The following ERICH3 variants were observed in gnomAD, a reference collection of about 807,000 sequenced individuals.
ERICH3 encodes the protein glutamate-rich protein 3.
A neutral mutation model predicts 131.1 loss-of-function variants in ERICH3; 126 were observed. That is an observed-to-expected ratio of 0.96 (90% CI 0.83 to 1.11). The LOEUF (loss-of-function observed/expected upper bound fraction) is 1.11, where lower values mean the gene tolerates loss of function less well. ERICH3 is among the 50% of genes most tolerant of loss of function. The pLI, the probability that ERICH3 is intolerant of heterozygous loss-of-function variation, is 0.00. For missense variants in ERICH3, 2,050 were observed against 1,810.7 expected (o/e 1.13, Z -2.40); for synonymous variants, 695 against 644.6 (o/e 1.08, Z -1.18).
intron 1 of ERICH3, among the ~76,000 whole-genome samples, chr1:74,672,569 G>A (rs1005881265): frequency 6.6e-6 from 1 of 152,144 alleles, no homozygotes; most frequent in African/African-American, 2.4e-5. Flanking sequence ...AACTCCAAAT[G>A]ATCTCAAATA....
chr1:74,582,506 G>T (rs1292276615), intron 12 of ERICH3, among the ~76,000 whole-genome samples: 1 of 152,054 alleles, frequency 6.6e-6, no homozygotes, highest in African/African-American at 2.4e-5. Flanking sequence ...ATTACCAAAT[G>T]ACATAAATTT....
chr1:74,646,532 G>T, intron 3 of ERICH3, 135 bp downstream of exon 3: 2 of 530,014 alleles, frequency 3.8e-6, no homozygotes, highest in Non-Finnish European at 5.9e-6. Context: ...CTTTTTCTAG[G>T]TACAAAAGCA....
At chr1:74,672,964 T>C (rs1468567158) in intron 1 of ERICH3, among the ~76,000 whole-genome samples, 1 of 152,078 alleles carries the variant, frequency 6.6e-6, no homozygotes, top group Non-Finnish European at 1.5e-5. Context: ...TTAAAATACT[T>C]TTTAAAGACC....
chr1:74,591,391 G>A (rs1647594659), intron 11 of ERICH3, among the ~76,000 whole-genome samples: 1 of 152,142 alleles, frequency 6.6e-6, no homozygotes. Context: ...TATTAGGCAG[G>A]AGCTGGGCTT....
intron 1 of ERICH3, among the ~76,000 whole-genome samples, chr1:74,654,356 GTA>G (rs142830870): frequency 6.2e-4 from 93 of 150,230 alleles, no homozygotes; most frequent in Admixed American, 7.3e-4. Context: ...TAGGATATGT[GTA>G]TATATATATA....
At chr1:74,588,502 T>C (rs1647440461) in intron 12 of ERICH3, among the ~76,000 whole-genome samples, 1 of 152,198 alleles carries the variant, frequency 6.6e-6, no homozygotes, top group Admixed American at 6.5e-5. Flanking sequence ...GGTTTAACAG[T>C]AGTTTTTAAG....
chr1:74,634,092 G>A (rs1194694821), intron 6 of ERICH3, among the ~76,000 whole-genome samples: 1 of 151,956 alleles, frequency 6.6e-6, no homozygotes, highest in Non-Finnish European at 1.5e-5. Flanking sequence ...AGCAATAAGA[G>A]TTTTTTGAGT....
chr1:74,589,520 T>C (rs1328936524), intron 12 of ERICH3, 111 bp downstream of exon 12: 6 of 1,032,026 alleles, frequency 5.8e-6, no homozygotes, highest in Non-Finnish European at 8.6e-6. Context: ...AAATCTTGAA[T>C]CCCTAAAGCA....
At chr1:74,673,471 G>A (rs774237297) in intron 1 of ERICH3, 26 bp downstream of exon 1, 3 of 1,611,064 alleles carry the variant, frequency 1.9e-6, no homozygotes, top group South Asian at 2.2e-5. Flanking sequence ...CTGCCACAGC[G>A]TGGAAAAGCT....
intron 11 of ERICH3, among the ~76,000 whole-genome samples, chr1:74,598,272 C>T (rs191183232): frequency 6.6e-6 from 1 of 151,672 alleles, no homozygotes; most frequent in African/African-American, 2.4e-5. Context: ...TATGGTCTCG[C>T]ATTGAAAAGA....
chr1:74,593,491 T>C (rs889678739), intron 11 of ERICH3, among the ~76,000 whole-genome samples: 3 of 152,190 alleles, frequency 2.0e-5, no homozygotes, highest in African/African-American at 7.2e-5. Flanking sequence ...TACATAATTG[T>C]AGAAATTACA....
chr1:74,582,200 G>A (rs1052211777), intron 12 of ERICH3, among the ~76,000 whole-genome samples: 5 of 152,106 alleles, frequency 3.3e-5, no homozygotes, highest in African/African-American at 9.7e-5. Flanking sequence ...ACTTCCTCAC[G>A]GCTCACCCCT....
chr1:74,640,056 T>G (rs496575), intron 5 of ERICH3, among the ~76,000 whole-genome samples: 107,562 of 152,084 alleles, frequency 0.71, 38,903 homozygotes, highest in African/African-American at 0.85. Context: ...TGAAGCTGGT[T>G]TCAGTGTTTC....
At chr1:74,664,725 A>G (rs1156803077) in intron 1 of ERICH3, among the ~76,000 whole-genome samples, 1 of 152,180 alleles carries the variant, frequency 6.6e-6, no homozygotes, top group Non-Finnish European at 1.5e-5. Context: ...ATAGAAAAAT[A>G]ATAACAGTCG....
chr1:74,629,363 A>G (rs916822291), intron 7 of ERICH3, among the ~76,000 whole-genome samples: 8 of 152,088 alleles, frequency 5.3e-5, no homozygotes, highest in Non-Finnish European at 8.8e-5. Context: ...AAAAAGAGAG[A>G]AAAAGGTTTT....
chr1:74,650,058 C>T (rs1381110349), intron 1 of ERICH3, among the ~76,000 whole-genome samples: 5 of 151,972 alleles, frequency 3.3e-5, no homozygotes, highest in South Asian at 2.1e-4. Flanking sequence ...TGTCATGTAT[C>T]GAAATAATAA....
chr1:74,648,850 T>C (rs1646507170), intron 2 of ERICH3, among the ~76,000 whole-genome samples: 1 of 152,104 alleles, frequency 6.6e-6, no homozygotes, highest in South Asian at 2.1e-4. Flanking sequence ...TCTGTGAATA[T>C]CAAAAGCAAT....
At chr1:74,667,356 C>T (rs1325780450) in intron 1 of ERICH3, among the ~76,000 whole-genome samples, 1 of 152,160 alleles carries the variant, frequency 6.6e-6, no homozygotes, top group Non-Finnish European at 1.5e-5. Context: ...AACTGACTGA[C>T]ATGTATGGAG....
chr1:74,640,885 T>C (rs1355834829), intron 5 of ERICH3, among the ~76,000 whole-genome samples: 1 of 151,984 alleles, frequency 6.6e-6, no homozygotes, highest in African/African-American at 2.4e-5. Flanking sequence ...CAAGAAAAAA[T>C]CCAGAGGTCA....
Sources: allele counts gnomAD v4.1 joint callset (sites outside exome capture counted in the v4.1 genomes callset), GRCh38; gene constraint gnomAD v4.1.1; transcripts MANE v1.5; gene names NCBI Gene and HGNC (gene_info 2026-07-23, HGNC 2026-07-21).